Variants in EFCAB6 observed in about 807,000 individuals in gnomAD.
The protein encoded by EFCAB6 is EF-hand calcium binding domain 6.
A neutral mutation model predicts 169.8 loss-of-function variants in EFCAB6; 156 were observed. The ratio of observed to expected loss-of-function variants is 0.92; its 90% CI spans 0.81 to 1.05. EFCAB6 has a LOEUF of 1.05. Ranked by LOEUF, EFCAB6 falls within the 50% of genes least tolerant of loss-of-function variation. EFCAB6 has a pLI of 0.00. For missense variants in EFCAB6, 1,800 were observed against 1,829.1 expected (o/e 0.98, Z 0.29); for synonymous variants, 698 against 676.4 (o/e 1.03, Z -0.50).
At position 43,537,318 on chromosome 22, in the gene EFCAB6, A is replaced by AC. The variant is rs371486392; in HGVS notation, c.4048+58dup. ...GGGTGTGGCTTTGTACCCAGTGGGA[A>AC]CAGCCTCTTGCCACAGGGGCTGACC... On this transcript the variant is annotated intron_variant, in intron 29 of 31. Transcript: ENST00000262726. The surrounding 1 kb of genome is among the most constrained non-coding windows in gnomAD (Gnocchi z 4.3). 2 of 1,582,190 alleles carry AC rather than the reference A, an allele frequency of 1.3e-6. No individual in the cohort carries two copies. Among genetic ancestry groups the AC allele is most frequent in the Non-Finnish European group, 1.7e-6 (2 of 1,160,972 alleles).
At chr22:43,669,669 T>TC (rs1569351363) in intron 15 of EFCAB6, among the ~76,000 whole-genome samples, 8 of 152,312 alleles carry the variant, frequency 5.3e-5, no homozygotes, top group Non-Finnish European at 1.2e-4. Context: ...TTATGGATAT[T>TC]GACATATGAT....
At chr22:43,664,597 A>G (rs1208550614) in intron 17 of EFCAB6, among the ~76,000 whole-genome samples, 3 of 152,214 alleles carry the variant, frequency 2.0e-5, no homozygotes, top group Non-Finnish European at 2.9e-5. Flanking sequence ...GCAGTTGAAC[A>G]GAGACTTGAA....
intron 10 of EFCAB6, 96 bp from the exon 11 acceptor site, chr22:43,687,677 C>T (rs1405512704): frequency 3.3e-6 from 2 of 611,686 alleles, no homozygotes; most frequent in African/African-American, 3.8e-5. Context: ...AAAATGGCAG[C>T]AATGCATTTA....
At chr22:43,611,569 G>A (rs1298552670) in intron 21 of EFCAB6, among the ~76,000 whole-genome samples, 1 of 152,212 alleles carries the variant, frequency 6.6e-6, no homozygotes, top group East Asian at 1.9e-4. Flanking sequence ...GGCTGAGGTA[G>A]GCAGATCGCT....
chr22:43,653,624 G>A (rs1401513650), intron 17 of EFCAB6, among the ~76,000 whole-genome samples: 1 of 152,206 alleles, frequency 6.6e-6, no homozygotes, highest in African/African-American at 2.4e-5. Context: ...AGAGAGAAAT[G>A]AAGACAGAGA....
intron 20 of EFCAB6, among the ~76,000 whole-genome samples, chr22:43,618,201 AGAAAGAAAGAAAGAAAG>A (rs1569257200): frequency 7.3e-6 from 1 of 136,502 alleles, no homozygotes; most frequent in Non-Finnish European, 1.6e-5. Context: ...AAAGAAAGAA[AGAAAGAAAGAAAGAAAG>A]AAAGAGAAAG....
chr22:43,768,712 TA>T (rs1311121896), intron 4 of EFCAB6, among the ~76,000 whole-genome samples: 4 of 152,234 alleles, frequency 2.6e-5, no homozygotes, highest in Non-Finnish European at 5.9e-5. Context: ...TGGCTTCTTT[TA>T]AAAACAGATG....
chr22:43,591,682 G>A (rs2051566292), intron 23 of EFCAB6, among the ~76,000 whole-genome samples: 1 of 152,110 alleles, frequency 6.6e-6, no homozygotes, highest in Admixed American at 6.5e-5. Flanking sequence ...TCACAGTGAG[G>A]GAGACAGAGA....
At chr22:43,532,863 A>G (rs2146988525) in intron 30 of EFCAB6, among the ~76,000 whole-genome samples, 1 of 152,312 alleles carries the variant, frequency 6.6e-6, no homozygotes, top group South Asian at 2.1e-4. Context: ...TTTCAGCCCG[A>G]CACTTCTGGT....
intron 17 of EFCAB6, among the ~76,000 whole-genome samples, chr22:43,657,942 T>C (rs1449952272): frequency 6.6e-6 from 1 of 152,084 alleles, no homozygotes; most frequent in East Asian, 1.9e-4. Context: ...TTCAAAGGCA[T>C]CTAAGGCCAG....
rs531761509 is a variant in EFCAB6, at chr22:43,602,915, C to T, written c.2682-2652G>A. 1.3e-5 allele frequency among the ~76,000 whole-genome samples: 2 copies of T among 151,982 alleles called. 1 individual carries two copies. The highest frequency in any genetic ancestry group is 4.2e-4 in the South Asian group (2 of 4,806). On this transcript the variant is annotated intron_variant, in intron 22 of 31. Coordinates refer to ENST00000262726, the MANE Select transcript of EFCAB6 (RefSeq NM_022785.4). ...CAAAGTTTTTCCCACATGCTGCCTC[C>T]ATCCAGTTCCTAGGTCCATGTCTTA...
chr22:43,784,589 ATG>A, intron 2 of EFCAB6, among the ~76,000 whole-genome samples: 1 of 40,210 alleles, frequency 2.5e-5, no homozygotes, highest in South Asian at 1.2e-3. Context: ...ACACATATAT[ATG>A]TATATATACA....
chr22:43,768,635 C>T (rs1306090182), intron 4 of EFCAB6, among the ~76,000 whole-genome samples: 5 of 152,194 alleles, frequency 3.3e-5, no homozygotes, highest in Non-Finnish European at 4.4e-5. Flanking sequence ...GGGAATCTTA[C>T]TTGTCATTTA....
intron 13 of EFCAB6, among the ~76,000 whole-genome samples, chr22:43,676,418 C>CA (rs34550416): frequency 0.034 from 2,007 of 59,834 alleles, 76 homozygotes; most frequent in African/African-American, 0.11. Context: ...GACTCCGTCT[C>CA]AAAAAAAAAA....
At chr22:43,542,001 G>A (rs2047761509) in intron 27 of EFCAB6, among the ~76,000 whole-genome samples, 1 of 152,244 alleles carries the variant, frequency 6.6e-6, no homozygotes, top group Non-Finnish European at 1.5e-5. Flanking sequence ...GCAATGGAAG[G>A]TGCAGAACGC....
intron 28 of EFCAB6, among the ~76,000 whole-genome samples, chr22:43,539,243 G>C (rs182216462): frequency 2.0e-5 from 3 of 152,158 alleles, no homozygotes; most frequent in African/African-American, 7.2e-5. Flanking sequence ...CCAAGGATTA[G>C]GACACAGGCA....
intron 26 of EFCAB6, among the ~76,000 whole-genome samples, chr22:43,559,006 T>C (rs2048870809): frequency 6.6e-6 from 1 of 152,172 alleles, no homozygotes. Flanking sequence ...AAAGCCAAAA[T>C]TGATGAATGG....
intron 6 of EFCAB6, among the ~76,000 whole-genome samples, chr22:43,737,856 T>C (rs529766359): frequency 7.1e-6 from 1 of 141,438 alleles, no homozygotes; most frequent in African/African-American, 2.6e-5. Flanking sequence ...TTCTCACACA[T>C]ACATACATGC....
In EFCAB6 at chr22:43,687,488, G is replaced by T. The variant is rs142965249; in HGVS notation, c.1125C>A (p.Pro375=). 564 of 1,514,974 alleles carry T rather than the reference G, an allele frequency of 3.7e-4. 2 individuals are homozygous for T. In the African/African-American group the frequency reaches 7.4e-3, roughly 20 times the overall value. The allele number at this position is 1,514,974 out of a possible 1,614,324, so 93.8% of individuals were successfully genotyped here. ...PQGLQVSSKG[P]LTKRNSINSR... is the part of the protein sequence containing the mutation. ...TTACATACCTATTTCTTTTTGTCAG[G>T]GGACCTTTACTGCTAACTTGCAACC... The change falls in exon 11 of 32, where the codon CCC becomes CCA. Residue 375 remains proline, a synonymous_variant. Transcript: ENST00000262726.
Sources: allele counts gnomAD v4.1 joint callset (sites outside exome capture counted in the v4.1 genomes callset), GRCh38; gene constraint gnomAD v4.1.1; non-coding constraint Gnocchi (gnomAD v3.1); transcripts MANE v1.5; gene names NCBI Gene and HGNC (gene_info 2026-07-23, HGNC 2026-07-21).